SOX5: variants seen among roughly 807,000 people sequenced by gnomAD.
SOX5 encodes the protein transcription factor SOX-5.
In SOX5, 9 loss-of-function variants were observed where a neutral mutation model predicts 92.0. The ratio of observed to expected loss-of-function variants is 0.10; its 90% CI spans 0.06 to 0.17. The LOEUF (loss-of-function observed/expected upper bound fraction) is 0.17. SOX5 is among the 10% of genes least tolerant of loss of function. The probability of loss-of-function intolerance (pLI) is 1.00; values close to 1 mark genes in which losing one functional copy is unlikely to be tolerated. For missense variants in SOX5, 642 were observed against 944.5 expected (o/e 0.68, Z 4.20); for synonymous variants, 344 against 336.3 (o/e 1.02, Z -0.25).
chr12:24,526,950 CTGG>C (rs886707138), intron 1 of SOX5, among the ~76,000 whole-genome samples: 2 of 152,014 alleles, frequency 1.3e-5, no homozygotes, highest in Non-Finnish European at 2.9e-5. Flanking sequence ...TCCCAAGTAG[CTGG>C]GCCTACAGAG....
chr12:23,853,125 C>CAT (rs34095737), intron 2 of SOX5, among the ~76,000 whole-genome samples: 12,313 of 146,470 alleles, frequency 0.084, 624 homozygotes, highest in Non-Finnish European at 0.11. Flanking sequence ...TATATATATA[C>CAT]ATATATATAT....
chr12:24,534,001 A>C (rs1328533918), intron 1 of SOX5, among the ~76,000 whole-genome samples: 1 of 152,224 alleles, frequency 6.6e-6, no homozygotes, highest in African/African-American at 2.4e-5. Flanking sequence ...CAGATCCCAA[A>C]GCATGGCCCT....
intron 2 of SOX5, among the ~76,000 whole-genome samples, chr12:24,326,377 T>G (rs2140943577): frequency 6.6e-6 from 1 of 152,254 alleles, no homozygotes; most frequent in East Asian, 1.9e-4. Context: ...CATATAGAAC[T>G]GACTACATCC....
chr12:23,882,646 G>A (rs77686972), intron 2 of SOX5, among the ~76,000 whole-genome samples: 11,489 of 152,184 alleles, frequency 0.075, 552 homozygotes, highest in Middle Eastern at 0.14. Flanking sequence ...TTACAAGCGC[G>A]ATGGAAAAGG....
At position 24,560,702 on chromosome 12, in the gene SOX5, G is replaced by GTCC. The variant is rs550937960; in HGVS notation, c.-251+1624_-251+1626dup. Among the ~76,000 whole-genome samples, 53 of 152,200 alleles carry GTCC rather than the reference G, an allele frequency of 3.5e-4. No individual in the cohort carries two copies. The South Asian group carries it at 0.011, about 32-fold the overall frequency. ...AGTTCTGTAAAGGCTCTAAGAAATC[G>GTCC]TCCTCCTTTTAAATGCTATAAAAGT... On this transcript the variant is annotated intron_variant, in intron 1 of 4. Coordinates refer to the SOX5 transcript ENST00000446891.
chr12:24,251,484 A>G (rs1302110235), intron 3 of SOX5, among the ~76,000 whole-genome samples: 2 of 152,008 alleles, frequency 1.3e-5, no homozygotes, highest in Non-Finnish European at 2.9e-5. Context: ...AGTCTATATT[A>G]TAGCCTAGCT....
intron 4 of SOX5, among the ~76,000 whole-genome samples, chr12:24,210,017 CAAAAAAAAAAAA>C (rs1173723179): frequency 6.4e-5 from 4 of 62,706 alleles, no homozygotes; most frequent in African/African-American, 2.5e-4. Context: ...GACTCCGTCT[CAAAAAAAAAAAA>C]AAAAAAAAAA....
At chr12:23,872,214 G>A (rs1297487189) in intron 2 of SOX5, among the ~76,000 whole-genome samples, 6 of 124,710 alleles carry the variant, frequency 4.8e-5, no homozygotes, top group East Asian at 2.4e-4. Context: ...GGGTTTCACC[G>A]TGTTAGCCAG....
chr12:24,496,126 G>GT (rs1947611724), intron 1 of SOX5, among the ~76,000 whole-genome samples: 1 of 152,170 alleles, frequency 6.6e-6, no homozygotes. Context: ...GATCCAAAAA[G>GT]TGGGGGTTGA....
chr12:24,060,390 T>C (rs1029099877), intron 4 of SOX5, among the ~76,000 whole-genome samples: 5 of 152,214 alleles, frequency 3.3e-5, no homozygotes, highest in Admixed American at 1.3e-4. Context: ...ATGACAACTC[T>C]CCTGCAGGTG....
chr12:23,656,554 A>G (rs534850065), intron 7 of SOX5, among the ~76,000 whole-genome samples: 2 of 152,216 alleles, frequency 1.3e-5, no homozygotes, highest in East Asian at 3.9e-4. Context: ...ATAAGGAAAT[A>G]TAGAATAATT....
intron 3 of SOX5, among the ~76,000 whole-genome samples, chr12:24,272,948 T>C (rs1943954932): frequency 6.6e-6 from 1 of 152,172 alleles, no homozygotes; most frequent in Non-Finnish European, 1.5e-5. Context: ...AACATTAGAC[T>C]TTGGCTGAGT....
At chr12:23,568,797 T>C (rs1051918218) in intron 10 of SOX5, among the ~76,000 whole-genome samples, 24 of 152,084 alleles carry the variant, frequency 1.6e-4, no homozygotes, top group Non-Finnish European at 2.9e-4. Context: ...TATCTCACTA[T>C]GCCTTGGCCT....
At chr12:23,838,853 G>GGT (rs1568224281) in intron 3 of SOX5, among the ~76,000 whole-genome samples, 1 of 96,330 alleles carries the variant, frequency 1.0e-5, no homozygotes, top group Non-Finnish European at 2.1e-5. Context: ...TGGGGGGGGG[G>GGT]GGCGGGGATG....
intron 9 of SOX5, among the ~76,000 whole-genome samples, chr12:23,602,607 T>C (rs2074653554): frequency 6.6e-6 from 1 of 151,994 alleles, no homozygotes. Flanking sequence ...TAAAGCAAAA[T>C]GTCCTGACGT....
intron 4 of SOX5, among the ~76,000 whole-genome samples, chr12:24,059,125 C>T (rs1235454787): frequency 6.6e-6 from 1 of 152,116 alleles, no homozygotes; most frequent in East Asian, 1.9e-4. Flanking sequence ...CACATAGATA[C>T]ACATATACTG....
intron 3 of SOX5, among the ~76,000 whole-genome samples, chr12:23,759,066 C>G (rs182976849): frequency 1.3e-4 from 19 of 150,858 alleles, no homozygotes; most frequent in African/African-American, 3.9e-4. Context: ...CACACACACA[C>G]TGTCCCTCAT....
At chr12:24,374,402 T>C (rs968834827) in intron 1 of SOX5, among the ~76,000 whole-genome samples, 6 of 152,082 alleles carry the variant, frequency 3.9e-5, no homozygotes, top group Admixed American at 2.6e-4. Context: ...AACGTCTGGA[T>C]TGACTGAGTT....
At chr12:23,820,359 C>A (rs998776814) in intron 3 of SOX5, among the ~76,000 whole-genome samples, 23 of 152,246 alleles carry the variant, frequency 1.5e-4, no homozygotes, top group African/African-American at 5.3e-4. Context: ...AAAATTTTCT[C>A]CCATTCTGTA....
Sources: gnomAD v4.1 joint callset for allele counts (sites outside exome capture counted in the v4.1 genomes callset) on GRCh38, gnomAD v4.1.1 for gene constraint, MANE v1.5 for transcripts, NCBI Gene and HGNC (gene_info 2026-07-23, HGNC 2026-07-21) for gene names.